SUMF1: variants seen among roughly 807,000 people sequenced by gnomAD.
SUMF1 encodes the protein sulfatase modifying factor 1.
SUMF1 carries 48 observed loss-of-function variants against 47.6 expected under a neutral mutation model. The observed-to-expected ratio is 1.01, with a 90% CI of 0.80 to 1.28. The LOEUF (loss-of-function observed/expected upper bound fraction) is 1.28, where lower values mean the gene tolerates loss of function less well. Ranked by LOEUF, SUMF1 falls within the 50% of genes most tolerant of loss-of-function variation. SUMF1 has a pLI of 0.00. For missense variants in SUMF1, 571 were observed against 485.4 expected (o/e 1.18, Z -1.66); for synonymous variants, 230 against 192.1 (o/e 1.20, Z -1.63).
chr3:4,252,186 A>C (rs916271468), intron 8 of SUMF1, among the ~76,000 whole-genome samples: 2 of 152,222 alleles, frequency 1.3e-5, no homozygotes, highest in African/African-American at 4.8e-5. Context: ...TCTACAAAAT[A>C]TACTGTAGCT....
intron 8 of SUMF1, among the ~76,000 whole-genome samples, chr3:4,132,458 T>C (rs1396465728): frequency 1.3e-5 from 2 of 152,128 alleles, no homozygotes; most frequent in African/African-American, 2.4e-5. Context: ...AGGCCATGTA[T>C]GCTCTGAATC....
chr3:4,394,410 G>A (rs1292554985), intron 7 of SUMF1, among the ~76,000 whole-genome samples: 2 of 152,056 alleles, frequency 1.3e-5, no homozygotes, highest in Non-Finnish European at 2.9e-5. Flanking sequence ...TGCCCATCTC[G>A]CTCTCCCAAA....
chr3:4,278,836 T>C (rs146886787), intron 8 of SUMF1, among the ~76,000 whole-genome samples: 7 of 152,208 alleles, frequency 4.6e-5, no homozygotes, highest in Non-Finnish European at 5.9e-5. Flanking sequence ...GGTGGAACAA[T>C]AAAAACTTCT....
chr3:4,108,139 T>C (rs968752053), intron 8 of SUMF1, among the ~76,000 whole-genome samples: 3 of 152,168 alleles, frequency 2.0e-5, no homozygotes, highest in African/African-American at 7.2e-5. Context: ...TTGTTCTCAT[T>C]AGTTTCAAAG....
chr3:4,280,423 G>A (rs901002472), intron 8 of SUMF1, among the ~76,000 whole-genome samples: 3 of 151,940 alleles, frequency 2.0e-5, no homozygotes, highest in African/African-American at 4.8e-5. Flanking sequence ...AGTAGCTCAC[G>A]GTCTAGAGGT....
At chr3:4,362,553 T>A (rs758428732) in intron 8 of SUMF1, among the ~76,000 whole-genome samples, 5 of 152,176 alleles carry the variant, frequency 3.3e-5, no homozygotes, top group Non-Finnish European at 7.3e-5. Context: ...CACATCCATA[T>A]AATAGAAAAG....
At chr3:4,101,643 T>C (rs981012223) in intron 8 of SUMF1, among the ~76,000 whole-genome samples, 4 of 152,150 alleles carry the variant, frequency 2.6e-5, no homozygotes, top group South Asian at 2.1e-4. Context: ...AGAGTATTTT[T>C]AATGTTCTCA....
intron 7 of SUMF1, among the ~76,000 whole-genome samples, chr3:4,407,403 C>T (rs1701410031): frequency 1.3e-5 from 2 of 152,176 alleles, no homozygotes; most frequent in African/African-American, 4.8e-5. Context: ...ATACATAACA[C>T]AGAAGAGGTC....
rs528623306 is a variant in SUMF1 at position 4,241,144 on chromosome 3, A to G, written c.1014+135186T>C. 2.0e-4 allele frequency among the ~76,000 whole-genome samples: 31 copies of G among 152,260 alleles called. No homozygotes were observed. The South Asian group carries it at 5.2e-3, about 25-fold the overall frequency. On this transcript the variant is annotated intron_variant and NMD_transcript_variant, in intron 8 of 12. Transcript: ENST00000448413. ...GTTAGGAACTACAAGGTAAGGATAA[A>G]TGACAGAATTATAGTCAGGAACCTG...
At chr3:4,359,538 G>C (rs1699696283), downstream of SUMF1, among the ~76,000 whole-genome samples, 1 of 152,178 alleles carries the variant, frequency 6.6e-6, no homozygotes, top group African/African-American at 2.4e-5. Context: ...CCCAGACTGG[G>C]TAATTTATAA....
chr3:4,396,985 G>C (rs1701059305), intron 7 of SUMF1, among the ~76,000 whole-genome samples: 1 of 152,208 alleles, frequency 6.6e-6, no homozygotes, highest in South Asian at 2.1e-4. Context: ...TATCACATTA[G>C]ATTTCTGCAA....
At chr3:4,328,803 A>G (rs1176752399) in intron 8 of SUMF1, among the ~76,000 whole-genome samples, 3 of 152,158 alleles carry the variant, frequency 2.0e-5, no homozygotes, top group Non-Finnish European at 4.4e-5. Flanking sequence ...GTCCAAATCC[A>G]AAGTCTCATC....
intron 8 of SUMF1, among the ~76,000 whole-genome samples, chr3:4,152,730 C>T (rs761603373): frequency 6.6e-6 from 1 of 151,630 alleles, no homozygotes; most frequent in Non-Finnish European, 1.5e-5. Context: ...TCATGCAGCC[C>T]AAGGCTGTCC....
intron 7 of SUMF1, among the ~76,000 whole-genome samples, chr3:4,387,206 A>G (rs78337751): frequency 0.082 from 12,450 of 152,076 alleles, 803 homozygotes; most frequent in African/African-American, 0.18. Flanking sequence ...AAATTCTTCA[A>G]TGAATCCATT....
intron 3 of SUMF1, among the ~76,000 whole-genome samples, chr3:4,424,036 T>G (rs1324830285): frequency 6.6e-6 from 1 of 152,202 alleles, no homozygotes; most frequent in East Asian, 1.9e-4. Flanking sequence ...CTACCCAGCC[T>G]CAGGTATTTC....
At chr3:4,161,221 G>T (rs1026109702) in intron 8 of SUMF1, among the ~76,000 whole-genome samples, 1 of 152,128 alleles carries the variant, frequency 6.6e-6, no homozygotes, top group South Asian at 2.1e-4. Flanking sequence ...GCTAGGGGAG[G>T]GTGACACAAG....
At chr3:4,466,658 G>C (rs2079954717) in intron 1 of SUMF1, among the ~76,000 whole-genome samples, 1 of 152,178 alleles carries the variant, frequency 6.6e-6, no homozygotes, top group African/African-American at 2.4e-5. Flanking sequence ...GTTAATAAGA[G>C]AGGAAATGGT....
In SUMF1 at chr3:4,303,630, T is replaced by G. The variant is rs970831238; in HGVS notation, c.1014+72700A>C. On this transcript the variant is annotated intron_variant and NMD_transcript_variant, in intron 8 of 12. Coordinates refer to the SUMF1 transcript ENST00000448413. The stretch of plus-strand genomic sequence containing the variant: ...GGCCTCCCAGTCGCGACCTTTTGTC[T>G]TCTCTTACAGCGCACCCGTTGGTGC... The G allele has an allele frequency of 2.9e-6, 4 of 1,393,862 alleles. No individual in the cohort carries two copies. In the African/African-American group the frequency reaches 6.1e-5, roughly 21 times the overall value. The allele number at this position is 1,393,862 out of a possible 1,614,324, so 86.3% of individuals were successfully genotyped here.
chr3:4,408,611 TGAGGCGA>T (rs1324391823), intron 7 of SUMF1, among the ~76,000 whole-genome samples: 1 of 152,132 alleles, frequency 6.6e-6, no homozygotes, highest in Non-Finnish European at 1.5e-5. Flanking sequence ...GAGGATTGCT[TGAGGCGA>T]GGAGTTCGAG....
Sources: allele counts gnomAD v4.1 joint callset (sites outside exome capture counted in the v4.1 genomes callset), GRCh38; gene constraint gnomAD v4.1.1; transcripts MANE v1.5; gene names NCBI Gene and HGNC (gene_info 2026-07-23, HGNC 2026-07-21).